Variants in SPTAN1 observed in about 807,000 individuals in gnomAD.
SPTAN1 encodes spectrin alpha chain, non-erythrocytic 1.
Under a neutral mutation model 331.3 loss-of-function variants are expected in SPTAN1, and 61 were observed. The observed-to-expected ratio is 0.18, with a 90% CI of 0.15 to 0.23. The LOEUF (loss-of-function observed/expected upper bound fraction) is 0.23. SPTAN1 is among the 10% of genes least tolerant of loss of function. The probability of loss-of-function intolerance (pLI) is 1.00; values close to 1 mark genes in which losing one functional copy is unlikely to be tolerated. For synonymous variants in SPTAN1, 1,153 were observed against 1,173.9 expected, an observed-to-expected ratio of 0.98 and a Z score of 0.36; for missense variants, 2,043 against 3,147.9, an observed-to-expected ratio of 0.65 and a Z score of 8.40.
At chr9:128,600,650 G>C (rs2131487299) in intron 27 of SPTAN1, among the ~76,000 whole-genome samples, 1 of 152,318 alleles carries the variant, frequency 6.6e-6, no homozygotes, top group African/African-American at 2.4e-5. Context: ...AATACAGGGA[G>C]AAGGTGTGTT....
At chr9:128,565,487 G>A (rs555407895) in intron 1 of SPTAN1, among the ~76,000 whole-genome samples, 3 of 152,364 alleles carry the variant, frequency 2.0e-5, no homozygotes, top group Admixed American at 6.5e-5. Flanking sequence ...ACTTCTCCAG[G>A]AAGGTGGTCT....
chr9:128,593,194 G>A, intron 23 of SPTAN1, 152 bp downstream of exon 23: 2 of 824,966 alleles, frequency 2.4e-6, no homozygotes, highest in Non-Finnish European at 4.1e-6. Context: ...GCTCACAAGG[G>A]AAGAGGTCGC....
At chr9:128,566,600 C>T in intron 1 of SPTAN1, 138 bp from the exon 2 acceptor site, 1 of 1,318,322 alleles carries the variant, frequency 7.6e-7, no homozygotes, top group Non-Finnish European at 1.1e-6. Context: ...TTCATTGTTC[C>T]TAAGAAGGGG....
chr9:128,609,779 C>A, intron 37 of SPTAN1, 114 bp downstream of exon 37: 1 of 663,764 alleles, frequency 1.5e-6, no homozygotes, highest in Non-Finnish European at 2.4e-6. Flanking sequence ...TCTCTTCATC[C>A]ATCCTTTTCA....
intron 43 of SPTAN1, among the ~76,000 whole-genome samples, chr9:128,618,379 T>G (rs1421833265): frequency 6.6e-6 from 1 of 151,980 alleles, no homozygotes. Context: ...GAATCACACA[T>G]GATTCTCCAG....
Position 128,581,892 on chromosome 9 carries a change from A to G in SPTAN1, c.1572A>G (p.Thr524=), listed in dbSNP as rs767610692. Reference sequence around the variant, plus strand: ...TTAGTGCCCAGGAGGAAAAGATTACAGTAAGACCCCTTCTTGTCAGTGCTT... The same window carrying G: ...TTAGTGCCCAGGAGGAAAAGATTACGGTAAGACCCCTTCTTGTCAGTGCTT... ...KSLSAQEEKI[T]ALDEFATKLI... is the part of the protein sequence containing the mutation. The change falls in exon 12 of 57, where the codon ACA becomes ACG. Residue 524 remains threonine (T), a splice_region_variant and synonymous_variant. Transcript: ENST00000372739. 1 of 1,602,714 alleles carries G rather than the reference A, an allele frequency of 6.2e-7. No individual in the cohort carries two copies. The highest frequency in any genetic ancestry group is 8.5e-7 in the Non-Finnish European group (1 of 1,169,766).
intron 39 of SPTAN1, among the ~76,000 whole-genome samples, chr9:128,612,810 C>A (rs1288473518): frequency 6.6e-6 from 1 of 152,104 alleles, no homozygotes; most frequent in African/African-American, 2.4e-5. Flanking sequence ...CCTGTAATCC[C>A]AGCTACTCAG....
At chr9:128,559,608 A>G (rs1340289312) in intron 1 of SPTAN1, among the ~76,000 whole-genome samples, 2 of 152,168 alleles carry the variant, frequency 1.3e-5, no homozygotes, top group Admixed American at 6.5e-5. Context: ...AAGCAAACAA[A>G]TTAGATGCAT....
chr9:128,603,741 G>A (rs1213499286), intron 28 of SPTAN1, 151 bp downstream of exon 28: 2 of 984,642 alleles, frequency 2.0e-6, no homozygotes, highest in Non-Finnish European at 3.2e-6. Flanking sequence ...GTAAACATCA[G>A]CACATTCATG....
intron 26 of SPTAN1, chr9:128,599,704 AAAG>A: frequency 4.7e-6 from 1 of 210,730 alleles, no homozygotes; most frequent in South Asian, 7.8e-5. Flanking sequence ...AAAAAAAAAA[AAAG>A]TCTTCTGTCT....
chr9:128,583,795 G>A lies in SPTAN1; in HGVS notation c.2019G>A (p.Lys673=), dbSNP rs149862852. 1.9e-6 allele frequency: 3 copies of A among 1,614,068 alleles called. No homozygotes were observed. In the African/African-American group the frequency reaches 4.0e-5, roughly 22 times the overall value. ...LLEATELKGI[K]LREANQQQQF... is the part of the protein sequence containing the mutation. Reference sequence around the variant, plus strand: ...ACTTGTTTTCTTCCATAGGAATAAAGCTTCGTGAAGCCAACCAGCAACAGC... The same window carrying A: ...ACTTGTTTTCTTCCATAGGAATAAAACTTCGTGAAGCCAACCAGCAACAGC... The change falls in exon 16 of 57, where the codon AAG becomes AAA. Residue 673 remains lysine, a synonymous_variant. Coordinates refer to ENST00000372739, the MANE Select transcript of SPTAN1 (RefSeq NM_001130438.3).
rs1852008255 is a variant in SPTAN1 at position 128,582,029 on chromosome 9, G to A, written c.1572+137G>A. On this transcript the variant is annotated intron_variant, in intron 12 of 56. Transcript: ENST00000372739. ...CTGTGGGTGCTTAAACTTTCACAAG[G>A]ATGACATGCTATCTCGTTGAAGACA... The A allele has an allele frequency of 1.8e-5, 13 of 726,376 alleles. No homozygotes were observed. In the East Asian group the frequency reaches 3.3e-4, roughly 19 times the overall value. The allele number at this position is 726,376 out of a possible 1,614,324, so 45.0% of individuals were successfully genotyped here.
intron 10 of SPTAN1, among the ~76,000 whole-genome samples, chr9:128,580,137 A>T (rs1295454697): frequency 6.6e-6 from 1 of 151,794 alleles, no homozygotes; most frequent in African/African-American, 2.4e-5. Context: ...ACATAGTGAG[A>T]CCCCCATCTG....
intron 22 of SPTAN1, 22 bp downstream of exon 22, chr9:128,591,647 G>A (rs754940960): frequency 6.8e-6 from 11 of 1,612,692 alleles, no homozygotes; most frequent in African/African-American, 4.0e-5. Context: ...ACTGGGGGCC[G>A]CAAGGGCTAG....
In SPTAN1 at chr9:128,633,196, T is replaced by TC. The variant is rs1860109037; in HGVS notation, c.7309-12dup. 1 of 1,613,516 alleles carries TC rather than the reference T, an allele frequency of 6.2e-7. No homozygotes were observed. The highest frequency in any genetic ancestry group is 8.5e-7 in the Non-Finnish European group (1 of 1,179,800). On this transcript the variant is annotated splice_polypyrimidine_tract_variant and intron_variant, in intron 56 of 56. Coordinates refer to ENST00000372739, the MANE Select transcript of SPTAN1 (RefSeq NM_001130438.3). ...GCTGGCTCAGGCACCAGGTGCCATCTCTTACCCCACAGAACCTGACCCGGG... is the reference window on the plus strand; with the variant it reads ...GCTGGCTCAGGCACCAGGTGCCATCTCCTTACCCCACAGAACCTGACCCGGG...
At chr9:128,569,039 C>A in intron 3 of SPTAN1, 142 bp downstream of exon 3, 1 of 1,108,944 alleles carries the variant, frequency 9.0e-7, no homozygotes. Context: ...TAAGAAGTTA[C>A]CCGAATCCTG....
intron 5 of SPTAN1, among the ~76,000 whole-genome samples, chr9:128,576,450 T>C (rs79848175): frequency 0.029 from 4,436 of 152,312 alleles, 195 homozygotes; most frequent in African/African-American, 0.1. Flanking sequence ...TGTGCAAGAA[T>C]GCTTAACAGC....
At chr9:128,556,151 T>C (rs1409600638) in intron 1 of SPTAN1, among the ~76,000 whole-genome samples, 1 of 151,870 alleles carries the variant, frequency 6.6e-6, no homozygotes, top group African/African-American at 2.4e-5. Flanking sequence ...AACCGAGGAG[T>C]TGGAGGTTGC....
In SPTAN1 at chr9:128,575,206, T is replaced by C; in HGVS notation, c.512T>C (p.Ile171Thr). 2 of 1,614,134 alleles carry C rather than the reference T, an allele frequency of 1.2e-6. No homozygotes were observed. Among genetic ancestry groups the C allele is most frequent in the African/African-American group, 1.3e-5 (1 of 75,032 alleles). Reference protein sequence around the residue: ...VMDWINDKEAIVTSEELGQDL... With the variant: ...VMDWINDKEATVTSEELGQDL... ...CTTATGGTCCCTGAATAGGAAGCAA[T>C]TGTTACTTCTGAAGAGCTGGGCCAG... The change falls in exon 5 of 57, where the codon ATT becomes ACT. Residue 171 changes from isoleucine to threonine, a missense_variant. Ile to Thr is a moderately conservative substitution (Grantham distance 89). Transcript: ENST00000372739.
Sources: allele counts gnomAD v4.1 joint callset (sites outside exome capture counted in the v4.1 genomes callset), GRCh38; gene constraint gnomAD v4.1.1; transcripts MANE v1.5; gene names NCBI Gene and HGNC (gene_info 2026-07-23, HGNC 2026-07-21).